MTREX: variants seen among roughly 807,000 people sequenced by gnomAD.
MTREX encodes Mtr4 exosome RNA helicase.
Under a neutral mutation model 135.4 loss-of-function variants are expected in MTREX, and 76 were observed. The observed-to-expected ratio is 0.56, with a 90% CI of 0.47 to 0.68. The LOEUF (loss-of-function observed/expected upper bound fraction) is 0.68, where lower values mean the gene tolerates loss of function less well. Among genes scored for constraint, MTREX ranks in the 30% least tolerant of loss-of-function variants. MTREX has a pLI of 0.00. For missense variants in MTREX, 920 were observed against 1,262.1 expected (o/e 0.73, Z 4.11); for synonymous variants, 404 against 401.6 (o/e 1.01, Z -0.07).
intron 13 of MTREX, among the ~76,000 whole-genome samples, chr5:55,352,311 T>C (rs917059723): frequency 2.0e-5 from 3 of 152,238 alleles, no homozygotes; most frequent in Non-Finnish European, 4.4e-5. Flanking sequence ...GTCACTTAGA[T>C]AATGAATTTT....
intron 15 of MTREX, among the ~76,000 whole-genome samples, chr5:55,359,706 T>C (rs1209739065): frequency 6.6e-6 from 1 of 152,204 alleles, no homozygotes; most frequent in Non-Finnish European, 1.5e-5. Context: ...TTTTATTCTT[T>C]TCTCTAATTG....
Position 55,422,988 on chromosome 5 carries a change from T to C in MTREX, c.3076+6T>C, listed in dbSNP as rs567631157. The C allele has an allele frequency of 6.2e-7, 1 of 1,604,732 alleles. No individual in the cohort carries two copies. The highest frequency in any genetic ancestry group is 2.2e-5 in the East Asian group (1 of 44,782). On this transcript the variant is annotated splice_donor_region_variant and intron_variant, in intron 26 of 26. Transcript: ENST00000230640. ...GGAAAATAAATTTGCAGAAGGTCAG[T>C]ATCAAATGGATAAGCTGTTTCTAAT... is the stretch of plus-strand genomic sequence containing the variant.
intron 4 of MTREX, among the ~76,000 whole-genome samples, chr5:55,328,030 T>C (rs1395234398): frequency 6.6e-6 from 1 of 152,190 alleles, no homozygotes; most frequent in East Asian, 1.9e-4. Context: ...ATGAAAGTTA[T>C]CAACCTTTCT....
At chr5:55,369,801 AGCCACTGTATAGCCAGT>A (rs869069807) in intron 16 of MTREX, among the ~76,000 whole-genome samples, 13 of 152,296 alleles carry the variant, frequency 8.5e-5, no homozygotes, top group African/African-American at 3.1e-4. Flanking sequence ...TACCTTTTGA[AGCCACTGTATAGCCAGT>A]CACTAACCCG....
At chr5:55,409,958 T>C (rs1750861140) in intron 22 of MTREX, among the ~76,000 whole-genome samples, 1 of 152,172 alleles carries the variant, frequency 6.6e-6, no homozygotes, top group Admixed American at 6.5e-5. Flanking sequence ...CTCACACCTG[T>C]AATCCCAGCA....
intron 16 of MTREX, among the ~76,000 whole-genome samples, chr5:55,377,224 G>A (rs1003906911): frequency 6.6e-6 from 1 of 152,176 alleles, no homozygotes; most frequent in South Asian, 2.1e-4. Context: ...CTACTCGGGA[G>A]GCTGAAGCAG....
chr5:55,380,881 T>C (rs1316062606), intron 18 of MTREX, among the ~76,000 whole-genome samples: 1 of 152,182 alleles, frequency 6.6e-6, no homozygotes, highest in Non-Finnish European at 1.5e-5. Context: ...GAAGAACTGG[T>C]ATTAAATATT....
intron 24 of MTREX, among the ~76,000 whole-genome samples, chr5:55,414,870 G>A (rs1212247624): frequency 2.0e-5 from 3 of 152,002 alleles, no homozygotes; most frequent in African/African-American, 4.8e-5. Flanking sequence ...GGCTGGTCTC[G>A]AACTCCTGAG....
At chr5:55,400,163 A>G in intron 20 of MTREX, 70 bp from the exon 21 acceptor site, 1 of 1,183,092 alleles carries the variant, frequency 8.5e-7, no homozygotes, top group African/African-American at 1.5e-5. Flanking sequence ...AAAAAAGGGA[A>G]ACACTGATTT....
chr5:55,396,531 C>CT (rs1187178570), intron 19 of MTREX, among the ~76,000 whole-genome samples: 20 of 152,112 alleles, frequency 1.3e-4, no homozygotes, highest in Admixed American at 7.2e-4. Flanking sequence ...ACCCCAAAAA[C>CT]TTTAACTAGA....
rs1229641762 is a variant in MTREX at position 55,416,136 on chromosome 5, T to G, written c.2971+4T>G. On this transcript the variant is annotated splice_donor_region_variant and intron_variant, in intron 25 of 26. Transcript: ENST00000230640. ...AAAATGACAGATGTCTTTGAAGGTATGGTTAAATTTTACACATATATATTT... is the reference window on the plus strand; with the variant it reads ...AAAATGACAGATGTCTTTGAAGGTAGGGTTAAATTTTACACATATATATTT... 1.9e-6 allele frequency: 3 copies of G among 1,571,804 alleles called. No homozygotes were observed. Among genetic ancestry groups the G allele is most frequent in the Non-Finnish European group, 2.6e-6 (3 of 1,163,836 alleles).
intron 21 of MTREX, among the ~76,000 whole-genome samples, chr5:55,404,404 A>G (rs1222373157): frequency 1.3e-5 from 2 of 152,230 alleles, no homozygotes; most frequent in Non-Finnish European, 2.9e-5. Context: ...TGTTTTGAAT[A>G]AAGGCCTATT....
chr5:55,381,657 A>G (rs1474769933), intron 18 of MTREX, among the ~76,000 whole-genome samples: 1 of 152,194 alleles, frequency 6.6e-6, no homozygotes, highest in Non-Finnish European at 1.5e-5. Flanking sequence ...AGTTTGCTTA[A>G]TGGCCTGACA....
chr5:55,399,021 A>T (rs1351492206), intron 20 of MTREX, among the ~76,000 whole-genome samples: 2 of 152,198 alleles, frequency 1.3e-5, no homozygotes, highest in Non-Finnish European at 2.9e-5. Context: ...TATACTTTTT[A>T]AACTTCAGAA....
intron 5 of MTREX, among the ~76,000 whole-genome samples, chr5:55,334,900 T>C (rs551129042): frequency 6.6e-6 from 1 of 152,226 alleles, no homozygotes; most frequent in Non-Finnish European, 1.5e-5. Flanking sequence ...CAAATATGTA[T>C]TTAACTGTTG....
At chr5:55,338,290 A>AT (rs993163725) in intron 5 of MTREX, among the ~76,000 whole-genome samples, 12 of 151,746 alleles carry the variant, frequency 7.9e-5, no homozygotes, top group South Asian at 2.1e-4. Context: ...TGGTTGACCG[A>AT]TTTTTTTTCC....
In MTREX at chr5:55,425,143, G is replaced by A; in HGVS notation, c.*371G>A. On this transcript the variant is annotated 3_prime_UTR_variant, in exon 27 of 27. Transcript: ENST00000230640. ...ACCAGGAAGAAAGATGCATCCTCTT[G>A]CCTTGTGGCAATCATTTTCCTTTAG... The A allele has an allele frequency of 6.4e-7, 1 of 1,558,510 alleles. No homozygotes were observed. The highest frequency in any genetic ancestry group is 8.7e-7 in the Non-Finnish European group (1 of 1,150,166).
intron 10 of MTREX, 21 bp downstream of exon 10, chr5:55,345,217 G>T (rs745785417): frequency 6.7e-7 from 1 of 1,486,738 alleles, no homozygotes; most frequent in Non-Finnish European, 9.4e-7. Flanking sequence ...ACTTTGCTTT[G>T]AGAGAATTTT....
intron 18 of MTREX, among the ~76,000 whole-genome samples, chr5:55,383,731 C>G (rs1750434506): frequency 6.6e-6 from 1 of 151,148 alleles, no homozygotes; most frequent in African/African-American, 2.4e-5. Context: ...ATTTTTTTTT[C>G]CAGTAAATTT....
Sources: gnomAD v4.1 joint callset for allele counts (sites outside exome capture counted in the v4.1 genomes callset) on GRCh38, gnomAD v4.1.1 for gene constraint, MANE v1.5 for transcripts, NCBI Gene and HGNC (gene_info 2026-07-23, HGNC 2026-07-21) for gene names.